Variants in RAB14 observed in about 807,000 individuals in gnomAD.
The protein encoded by RAB14 is ras-related protein Rab-14.
Under a neutral mutation model 31.1 loss-of-function variants are expected in RAB14, and 3 were observed. That is an observed-to-expected ratio of 0.10 (90% confidence interval 0.04 to 0.25). The LOEUF is 0.25. Ranked by LOEUF, RAB14 falls within the 10% of genes least tolerant of loss-of-function variation. The pLI, the probability that RAB14 is intolerant of heterozygous loss-of-function variation, is 1.00. For synonymous variants in RAB14, 85 were observed against 84.9 expected, an observed-to-expected ratio of 1.00 and a Z score of 0.00; for missense variants, 111 against 260.1, an observed-to-expected ratio of 0.43 and a Z score of 3.94.
intron 6 of RAB14, 94 bp downstream of exon 6, chr9:121,183,214 TAAA>T: frequency 1.2e-6 from 1 of 842,362 alleles, no homozygotes; most frequent in Non-Finnish European, 1.8e-6. Flanking sequence ...AGTCTGCATT[TAAA>T]AAAAAAATGC....
At chr9:121,196,165 A>G (rs771568496) in intron 1 of RAB14, among the ~76,000 whole-genome samples, 6 of 152,080 alleles carry the variant, frequency 3.9e-5, no homozygotes, top group Non-Finnish European at 7.4e-5. Context: ...CCCACTTAAC[A>G]TTACAATCCC....
chr9:121,182,265 A>G (rs1397503299), intron 7 of RAB14, among the ~76,000 whole-genome samples: 1 of 152,230 alleles, frequency 6.6e-6, no homozygotes, highest in Non-Finnish European at 1.5e-5. Flanking sequence ...TTCCAAGAAT[A>G]ATATGGTCTG....
chr9:121,192,224 CCT>C lies in RAB14; in HGVS notation c.53-2_53-1del. The C allele has an allele frequency of 6.3e-7, 1 of 1,587,810 alleles. No homozygotes were observed. ...GCAAGATTTTCCTACTCCCATGTCCCCTGTTTAAAAAAAAAGAAGTTTCAGGT... is the reference window on the plus strand; with the variant it reads ...GCAAGATTTTCCTACTCCCATGTCCCGTTTAAAAAAAAAGAAGTTTCAGGT... On this transcript the variant is annotated splice_acceptor_variant, in intron 2 of 7. Transcript: ENST00000373840. LOFTEE classifies it high-confidence loss of function.
intron 1 of RAB14, among the ~76,000 whole-genome samples, chr9:121,200,567 G>A (rs555167971): frequency 8.5e-5 from 13 of 152,146 alleles, no homozygotes; most frequent in Non-Finnish European, 1.8e-4. Context: ...CCAGTGTAGT[G>A]GTTGACTTTA....
Position 121,182,920 on chromosome 9 carries a change from T to A in RAB14, c.470+10A>T. On this transcript the variant is annotated intron_variant, in intron 7 of 7. Coordinates refer to ENST00000373840, the MANE Select transcript of RAB14 (RefSeq NM_016322.4). ...TATAATTGAAATATCTGTATTTTGG[T>A]CACACTTACGTTTTTGCACTCGCTT... is the stretch of plus-strand genomic sequence containing the variant. 6.2e-7 allele frequency: 1 copy of A among 1,604,360 alleles called. No individual in the cohort carries two copies. The highest frequency in any genetic ancestry group is 8.5e-7 in the Non-Finnish European group (1 of 1,173,480).
chr9:121,188,640 T>C (rs1467965115), intron 4 of RAB14, among the ~76,000 whole-genome samples: 1 of 151,520 alleles, frequency 6.6e-6, no homozygotes, highest in Non-Finnish European at 1.5e-5. Context: ...CCTGTAACAA[T>C]GAGAGTTAAT....
Position 121,183,209 on chromosome 9 carries a change from G to A in RAB14, c.439+102C>T, listed in dbSNP as rs886853593. Reference sequence around the variant, plus strand: ...CCTCATTCTTGAGATTTCTGAGTCTGCATTTAAAAAAAAAATGCAAAAAAA... The same window carrying A: ...CCTCATTCTTGAGATTTCTGAGTCTACATTTAAAAAAAAAATGCAAAAAAA... On this transcript the variant is annotated intron_variant, in intron 6 of 7. Transcript: ENST00000373840. The A allele has an allele frequency of 1.6e-5, 15 of 937,392 alleles. No individual in the cohort carries two copies. In the Admixed American group the frequency reaches 2.1e-4, roughly 13 times the overall value. The allele number at this position is 937,392 out of a possible 1,614,324, so 58.1% of individuals were successfully genotyped here.
intron 2 of RAB14, among the ~76,000 whole-genome samples, chr9:121,192,541 G>C (rs1202935897): frequency 2.0e-5 from 3 of 151,252 alleles, no homozygotes; most frequent in Admixed American, 2.0e-4. Flanking sequence ...GTTTTCTTTT[G>C]TTTTTTTCCT....
Position 121,179,340 on chromosome 9 carries a change from T to G in RAB14, c.*2056A>C, listed in dbSNP as rs2053620011. ...CTTTATTTACAAATATTTAGATTAA[T>G]AGCATTTTGTTACATCAAATGAAGA... On this transcript the variant is annotated 3_prime_UTR_variant, in exon 8 of 8. Coordinates refer to ENST00000373840, the MANE Select transcript of RAB14 (RefSeq NM_016322.4). The G allele has an allele frequency of 6.6e-6, 1 of 152,662 alleles. No homozygotes were observed. Among genetic ancestry groups the G allele is most frequent in the Admixed American group, 6.5e-5 (1 of 15,288 alleles). The allele number at this position is 152,662 out of a possible 1,614,324, so 9.5% of individuals were successfully genotyped here.
intron 5 of RAB14, among the ~76,000 whole-genome samples, chr9:121,185,894 T>TA (rs1242510231): frequency 6.6e-6 from 1 of 152,176 alleles, no homozygotes; most frequent in Non-Finnish European, 1.5e-5. Flanking sequence ...GGTGTGTATG[T>TA]AAACCTTGGG....
At position 121,181,145 on chromosome 9, in the gene RAB14, G is replaced by A. The variant is rs537210160; in HGVS notation, c.*251C>T. The stretch of plus-strand genomic sequence containing the variant: ...CATATATTGGTGACATACTTATCAC[G>A]AGGACAAGGGGGAAAAAAAGTCTAG... On this transcript the variant is annotated 3_prime_UTR_variant, in exon 8 of 8. Transcript: ENST00000373840. The A allele has an allele frequency of 6.0e-6, 2 of 335,290 alleles. No individual in the cohort carries two copies. The highest frequency in any genetic ancestry group is 1.1e-5 in the Non-Finnish European group (2 of 186,516). 20.8% of individuals were successfully genotyped at this position (335,290 alleles called of 1,614,324 possible). A position where few individuals can be genotyped will look rare whatever the true frequency, so the allele number is the denominator to read the frequency against.
chr9:121,182,794 T>A, intron 7 of RAB14, 136 bp downstream of exon 7: 1 of 523,826 alleles, frequency 1.9e-6, no homozygotes, highest in Non-Finnish European at 3.1e-6. Context: ...ATGTTTGCTG[T>A]TCTTCCTGCA....
chr9:121,197,591 C>A (rs893049295), intron 1 of RAB14, among the ~76,000 whole-genome samples: 2 of 152,242 alleles, frequency 1.3e-5, no homozygotes, highest in Non-Finnish European at 1.5e-5. Flanking sequence ...GAATCAGACA[C>A]CTTTCTAAGA....
intron 6 of RAB14, 89 bp from the exon 7 acceptor site, chr9:121,183,049 A>G: frequency 8.1e-7 from 1 of 1,229,794 alleles, no homozygotes; most frequent in Non-Finnish European, 1.2e-6. Context: ...GTTTCCCATC[A>G]GTTTTTAGTA....
chr9:121,198,884 T>C (rs1038451042), intron 1 of RAB14, among the ~76,000 whole-genome samples: 1 of 151,918 alleles, frequency 6.6e-6, no homozygotes, highest in African/African-American at 2.4e-5. Context: ...TAATCTAATC[T>C]AATAAAAATG....
At position 121,178,468 on chromosome 9, in the gene RAB14, T is replaced by C. The variant is rs2053610553; in HGVS notation, c.*2928A>G. Reference sequence around the variant, plus strand: ...CTCTATATTCCCACATGAAGAGGAATGGAAGGTAATTATTTGGTCTTTTCT... The same window carrying C: ...CTCTATATTCCCACATGAAGAGGAACGGAAGGTAATTATTTGGTCTTTTCT... On this transcript the variant is annotated 3_prime_UTR_variant, in exon 8 of 8. Transcript: ENST00000373840. 1 of 152,050 alleles carries C rather than the reference T, an allele frequency of 6.6e-6. No individual in the cohort carries two copies. Among genetic ancestry groups the C allele is most frequent in the African/African-American group, 2.4e-5 (1 of 41,350 alleles). 9.4% of individuals were successfully genotyped at this position (152,050 alleles called of 1,614,324 possible).
intron 3 of RAB14, 23 bp from the exon 4 acceptor site, chr9:121,190,754 A>G: frequency 6.2e-7 from 1 of 1,608,344 alleles, no homozygotes; most frequent in Non-Finnish European, 8.5e-7. Flanking sequence ...AAAAAAAGTA[A>G]TAGCCCAATT....
Position 121,180,563 on chromosome 9 carries a change from T to C in RAB14, c.*833A>G, listed in dbSNP as rs564326202. The C allele has an allele frequency of 6.6e-6, 1 of 152,648 alleles. No homozygotes were observed. The highest frequency in any genetic ancestry group is 2.4e-5 in the African/African-American group (1 of 41,446). 9.5% of individuals were successfully genotyped at this position (152,648 alleles called of 1,614,324 possible). ...ACCAAGGGGTGGAGCCAGTACTACT[T>C]GTGAACTGCAGTTGTGTCTATTTCT... On this transcript the variant is annotated 3_prime_UTR_variant, in exon 8 of 8. Coordinates refer to ENST00000373840, the MANE Select transcript of RAB14 (RefSeq NM_016322.4).
At chr9:121,200,475 C>A (rs920718028) in intron 1 of RAB14, among the ~76,000 whole-genome samples, 1 of 152,300 alleles carries the variant, frequency 6.6e-6, no homozygotes, top group East Asian at 1.9e-4. Flanking sequence ...AGGCACCTGT[C>A]CTCTTGGAAC....
Sources: gnomAD v4.1 joint callset for allele counts (sites outside exome capture counted in the v4.1 genomes callset) on GRCh38, gnomAD v4.1.1 for gene constraint, MANE v1.5 for transcripts, NCBI Gene and HGNC (gene_info 2026-07-23, HGNC 2026-07-21) for gene names.